RGS6: variants seen among roughly 807,000 people sequenced by gnomAD.
The protein encoded by RGS6 is regulator of G protein signaling 6.
Under a neutral mutation model 78.5 loss-of-function variants are expected in RGS6, and 30 were observed. That is an observed-to-expected ratio of 0.38 (90% CI 0.29 to 0.52). RGS6 has a LOEUF of 0.52. Ranked by LOEUF, RGS6 falls within the 20% of genes least tolerant of loss-of-function variation. The pLI is 0.85. For missense variants in RGS6, 495 were observed against 609.7 expected (o/e 0.81, Z 1.98); for synonymous variants, 206 against 206.0 (o/e 1.00, Z 0.00).
intron 2 of RGS6, among the ~76,000 whole-genome samples, chr14:71,988,699 T>C (rs967733351): frequency 3.3e-4 from 50 of 152,124 alleles, no homozygotes; most frequent in Admixed American, 3.3e-3. Flanking sequence ...TGAAAGAGAC[T>C]GAAAAAGCAT....
At chr14:72,158,050 A>G (rs1294485571) in intron 2 of RGS6, among the ~76,000 whole-genome samples, 1 of 152,108 alleles carries the variant, frequency 6.6e-6, no homozygotes, top group Non-Finnish European at 1.5e-5. Flanking sequence ...CAAGGATACC[A>G]TCTTCTCCTG....
At chr14:72,625,405 C>T in the RGS6 span, among the ~76,000 whole-genome samples, 1 of 152,036 alleles carries the variant, frequency 6.6e-6, no homozygotes, top group African/African-American at 2.4e-5. Context: ...TTCCTGTGTC[C>T]TCTAGACGCA....
chr14:72,162,476 A>G (rs2096866083), intron 2 of RGS6, among the ~76,000 whole-genome samples: 1 of 152,142 alleles, frequency 6.6e-6, no homozygotes, highest in African/African-American at 2.4e-5. Flanking sequence ...GGGGTTGGGC[A>G]TGTGATGTCT....
intron 2 of RGS6, among the ~76,000 whole-genome samples, chr14:71,991,473 CCT>C (rs2094951861): frequency 6.6e-6 from 1 of 152,150 alleles, no homozygotes; most frequent in East Asian, 1.9e-4. Flanking sequence ...TGGTATTTGC[CCT>C]CTGTGTCTCA....
intron 3 of RGS6, among the ~76,000 whole-genome samples, chr14:72,384,446 AAAAG>A (rs1181491358): frequency 6.6e-6 from 1 of 152,268 alleles, no homozygotes; most frequent in African/African-American, 2.4e-5. Flanking sequence ...AAGTGAAAGA[AAAAG>A]AAATTTTAGA....
intron 2 of RGS6, among the ~76,000 whole-genome samples, chr14:72,042,204 C>A (rs183500945): frequency 6.6e-6 from 1 of 150,532 alleles, no homozygotes; most frequent in African/African-American, 2.4e-5. Flanking sequence ...CTCAGTTTAC[C>A]GCAACCTCTG....
chr14:72,042,109 T>C (rs1457685313), intron 2 of RGS6, among the ~76,000 whole-genome samples: 1 of 148,856 alleles, frequency 6.7e-6, no homozygotes, highest in Non-Finnish European at 1.5e-5. Flanking sequence ...TCTAATACTT[T>C]CCTTTTTCTT....
intron 2 of RGS6, among the ~76,000 whole-genome samples, chr14:72,052,549 G>A (rs2093314433): frequency 6.6e-6 from 1 of 152,316 alleles, no homozygotes; most frequent in East Asian, 1.9e-4. Context: ...CACATGGACT[G>A]AAAACAGGGC....
chr14:72,379,600 C>A (rs1161897215), intron 3 of RGS6, among the ~76,000 whole-genome samples: 1 of 151,380 alleles, frequency 6.6e-6, no homozygotes, highest in Non-Finnish European at 1.5e-5. Context: ...TAAAAAAAAC[C>A]TAGGAATAAA....
chr14:72,534,355 G>A lies in RGS6; in HGVS notation c.1279-1831G>A, dbSNP rs576023636. 2.6e-5 allele frequency among the ~76,000 whole-genome samples: 4 copies of A among 152,316 alleles called. No individual in the cohort carries two copies. The East Asian group carries it at 5.8e-4, about 22-fold the overall frequency. ...ATAACTTTTATGTGTACTGGGAAACGAAATATTTCTTATGACTTGCTTTAT... is the reference window on the plus strand; with the variant it reads ...ATAACTTTTATGTGTACTGGGAAACAAAATATTTCTTATGACTTGCTTTAT... On this transcript the variant is annotated intron_variant, in intron 15 of 17. Coordinates refer to ENST00000553525, the MANE Select transcript of RGS6 (RefSeq NM_001204424.2).
At chr14:72,461,677 G>A (rs1031899536) in intron 6 of RGS6, among the ~76,000 whole-genome samples, 12 of 152,098 alleles carry the variant, frequency 7.9e-5, no homozygotes, top group African/African-American at 2.4e-4. Flanking sequence ...GGGTGATAGA[G>A]GAAGACCCTG....
intron 3 of RGS6, among the ~76,000 whole-genome samples, chr14:72,393,934 T>C (rs866462603): frequency 9.2e-5 from 14 of 152,328 alleles, no homozygotes; most frequent in Middle Eastern, 3.4e-3. Flanking sequence ...TTCTGGCGTA[T>C]GCTGACATTA....
intron 2 of RGS6, among the ~76,000 whole-genome samples, chr14:72,229,739 C>T (rs8006974): frequency 0.12 from 17,537 of 152,224 alleles, 1,274 homozygotes; most frequent in East Asian, 0.33. Flanking sequence ...ATAAAGCTCC[C>T]TTCGGAGATT....
the RGS6 span, among the ~76,000 whole-genome samples, chr14:72,618,120 G>A: frequency 6.6e-6 from 1 of 151,882 alleles, no homozygotes; most frequent in African/African-American, 2.4e-5. Context: ...AGCAGCCCCC[G>A]CACTGAGAGT....
chr14:72,007,302 G>A (rs1243822499), intron 2 of RGS6, among the ~76,000 whole-genome samples: 2 of 152,078 alleles, frequency 1.3e-5, no homozygotes, highest in Admixed American at 1.3e-4. Flanking sequence ...TTAAGAAATG[G>A]CATCTGAGCA....
At chr14:72,290,676 A>G (rs2238207) in intron 2 of RGS6, among the ~76,000 whole-genome samples, 104,620 of 152,048 alleles carry the variant, frequency 0.69, 36,193 homozygotes, top group East Asian at 0.86. Context: ...GGAAGAAACT[A>G]GGCATATAGT....
intron 2 of RGS6, among the ~76,000 whole-genome samples, chr14:72,052,981 CTT>C (rs1462575258): frequency 1.9e-3 from 77 of 41,434 alleles, no homozygotes; most frequent in African/African-American, 2.4e-3. Context: ...TTCTTTCTTT[CTT>C]TCTCTCTCTC....
the RGS6 span, among the ~76,000 whole-genome samples, chr14:72,592,639 T>C: frequency 6.6e-6 from 1 of 152,178 alleles, no homozygotes; most frequent in African/African-American, 2.4e-5. Context: ...GAAAATTTAT[T>C]TGGAAAAAAA....
intron 2 of RGS6, among the ~76,000 whole-genome samples, chr14:72,216,136 G>T (rs1387123723): frequency 6.6e-6 from 1 of 152,116 alleles, no homozygotes; most frequent in African/African-American, 2.4e-5. Context: ...TTATTCTGTA[G>T]GTCCAAATTC....
Sources: gnomAD v4.1 joint callset for allele counts (sites outside exome capture counted in the v4.1 genomes callset) on GRCh38, gnomAD v4.1.1 for gene constraint, MANE v1.5 for transcripts, NCBI Gene and HGNC (gene_info 2026-07-23, HGNC 2026-07-21) for gene names.